The following ADGRB3 variants were observed in gnomAD, a reference collection of about 807,000 sequenced individuals.
The protein encoded by ADGRB3 is brain-specific angiogenesis inhibitor 3.
ADGRB3 carries 37 observed loss-of-function variants against 193.4 expected under a neutral mutation model. The ratio of observed to expected loss-of-function variants is 0.19; its 90% CI spans 0.15 to 0.25. The LOEUF (loss-of-function observed/expected upper bound fraction) is 0.25. Ranked by LOEUF, ADGRB3 falls within the 10% of genes least tolerant of loss-of-function variation. The pLI is 1.00. For missense variants in ADGRB3, 1,637 were observed against 1,852.9 expected, an observed-to-expected ratio of 0.88 and a Z score of 2.14; for synonymous variants, 690 against 644.2, an observed-to-expected ratio of 1.07 and a Z score of -1.08.
At chr6:68,954,468 C>T (rs1768015622) in intron 6 of ADGRB3, among the ~76,000 whole-genome samples, 1 of 152,036 alleles carries the variant, frequency 6.6e-6, no homozygotes, top group Admixed American at 6.6e-5. Flanking sequence ...TAAGAGTCAC[C>T]TGGATCCTCT....
chr6:68,785,766 C>G (rs1352045656), intron 3 of ADGRB3, among the ~76,000 whole-genome samples: 2 of 152,118 alleles, frequency 1.3e-5, no homozygotes, highest in Non-Finnish European at 2.9e-5. Flanking sequence ...GGTTTACAGT[C>G]CCACCAACAG....
chr6:69,327,619 G>A (rs754009066), intron 21 of ADGRB3, among the ~76,000 whole-genome samples: 1 of 152,134 alleles, frequency 6.6e-6, no homozygotes, highest in Non-Finnish European at 1.5e-5. Context: ...CCAGAGAAGT[G>A]CAGTAAGTTA....
intron 3 of ADGRB3, among the ~76,000 whole-genome samples, chr6:68,883,403 CT>C (rs1330980006): frequency 1.3e-5 from 2 of 152,170 alleles, no homozygotes; most frequent in African/African-American, 4.8e-5. Flanking sequence ...GCAGCACCAG[CT>C]GCGGCAATCA....
intron 17 of ADGRB3, among the ~76,000 whole-genome samples, chr6:69,187,405 A>G (rs550251077): frequency 3.3e-5 from 5 of 152,292 alleles, no homozygotes; most frequent in African/African-American, 1.2e-4. Context: ...TAAAATTACA[A>G]TAGAACATCT....
chr6:69,365,422 A>G (rs576123056), intron 29 of ADGRB3, among the ~76,000 whole-genome samples: 4 of 152,048 alleles, frequency 2.6e-5, no homozygotes, highest in Non-Finnish European at 5.9e-5. Flanking sequence ...CCTAGGAGGT[A>G]CACTGACCTC....
In ADGRB3 at chr6:69,136,796, A is replaced by C. The variant is rs571193090; in HGVS notation, c.2480+60758A>C. Among the ~76,000 whole-genome samples, 183 of 152,034 alleles carry C rather than the reference A, an allele frequency of 1.2e-3. 2 individuals are homozygous for C. The highest frequency in any genetic ancestry group is 2.1e-3 in the Non-Finnish European group (140 of 67,984). On this transcript the variant is annotated intron_variant, in intron 17 of 31. Coordinates refer to ENST00000370598, the MANE Select transcript of ADGRB3 (RefSeq NM_001704.3). Reference sequence around the variant, plus strand: ...TTCCAGTAACAGTTTATTTTTATGCATATCTAGATAGAAGAGAAAATTTAT... The same window carrying C: ...TTCCAGTAACAGTTTATTTTTATGCCTATCTAGATAGAAGAGAAAATTTAT...
intron 17 of ADGRB3, 149 bp from the exon 18 acceptor site, chr6:69,233,141 T>C (rs1766184563): frequency 8.7e-7 from 1 of 1,152,272 alleles, no homozygotes; most frequent in Non-Finnish European, 1.2e-6. Context: ...GCATCTAAAT[T>C]ACATCCTGTT....
intron 13 of ADGRB3, among the ~76,000 whole-genome samples, chr6:69,018,889 C>T (rs1347222217): frequency 1.3e-5 from 2 of 151,860 alleles, no homozygotes; most frequent in South Asian, 2.1e-4. Context: ...TATGATCTTC[C>T]GTACATTGTT....
chr6:68,866,030 C>T (rs1471902422), intron 3 of ADGRB3, among the ~76,000 whole-genome samples: 1 of 152,142 alleles, frequency 6.6e-6, no homozygotes, highest in Non-Finnish European at 1.5e-5. Context: ...ACTCAGAGAA[C>T]AATGAGGGAG....
At chr6:69,031,056 C>CTTCTCTTCTCTT (rs1770653759) in intron 13 of ADGRB3, among the ~76,000 whole-genome samples, 1 of 38,210 alleles carries the variant, frequency 2.6e-5, no homozygotes, top group African/African-American at 1.0e-4. Context: ...CTTCTCTTCT[C>CTTCTCTTCTCTT]TTCTCTTCTC....
intron 17 of ADGRB3, among the ~76,000 whole-genome samples, chr6:69,198,864 A>G (rs980608517): frequency 7.2e-5 from 11 of 152,156 alleles, no homozygotes; most frequent in Non-Finnish European, 1.2e-4. Flanking sequence ...ATTAATTGCT[A>G]TAATATCATT....
rs573153154 is a variant in ADGRB3, at chr6:69,344,667, A to G, written c.3459+5163A>G. On this transcript the variant is annotated intron_variant, in intron 26 of 31. Transcript: ENST00000370598. The stretch of plus-strand genomic sequence containing the variant: ...CATGAACATCCAGGTTTGACTACTT[A>G]CAGGGAAATTGAGTATGACTCATTA... Among the ~76,000 whole-genome samples, 24 of 152,314 alleles carry G rather than the reference A, an allele frequency of 1.6e-4. No homozygotes were observed. The South Asian group carries it at 4.8e-3, about 30-fold the overall frequency.
At chr6:68,748,169 C>T (rs1766122626) in intron 3 of ADGRB3, among the ~76,000 whole-genome samples, 2 of 152,048 alleles carry the variant, frequency 1.3e-5, no homozygotes, top group Non-Finnish European at 1.5e-5. Flanking sequence ...AGTATCATTC[C>T]ACCCCTAGCC....
chr6:69,235,284 T>G, intron 19 of ADGRB3, 149 bp downstream of exon 19: 1 of 671,900 alleles, frequency 1.5e-6, no homozygotes, highest in East Asian at 2.7e-5. Flanking sequence ...TGATTGAGCT[T>G]TAATAAATGA....
intron 3 of ADGRB3, among the ~76,000 whole-genome samples, chr6:68,694,484 G>A (rs556031362): frequency 3.3e-5 from 5 of 151,976 alleles, no homozygotes; most frequent in South Asian, 4.2e-4. Flanking sequence ...GAGTGAGGTG[G>A]GGGGAGGTGT....
At chr6:69,122,974 GTA>G (rs1166157133) in intron 17 of ADGRB3, among the ~76,000 whole-genome samples, 7 of 142,200 alleles carry the variant, frequency 4.9e-5, no homozygotes, top group Non-Finnish European at 9.2e-5. Flanking sequence ...ATATATGTGT[GTA>G]TATATATATA....
Position 68,822,153 on chromosome 6 carries a change from G to T in ADGRB3, c.758-108406G>T, listed in dbSNP as rs1209291828. ...TATGTGCCTATGAAATGAGTAAAAA[G>T]AAAGCGGATGACATTCGGAAAATAA... On this transcript the variant is annotated intron_variant, in intron 3 of 31. Transcript: ENST00000370598. Among the ~76,000 whole-genome samples, 3 of 151,762 alleles carry T rather than the reference G, an allele frequency of 2.0e-5. No homozygotes were observed. The South Asian group carries it at 6.2e-4, about 31-fold the overall frequency.
chr6:68,650,309 T>C (rs1427798913), intron 3 of ADGRB3, among the ~76,000 whole-genome samples: 3 of 152,174 alleles, frequency 2.0e-5, no homozygotes, highest in African/African-American at 2.4e-5. Context: ...GTTTAGGCCC[T>C]CTAGGTTTTT....
At chr6:69,361,661 A>T in intron 29 of ADGRB3, 149 bp downstream of exon 29, 1 of 928,710 alleles carries the variant, frequency 1.1e-6, no homozygotes, top group Non-Finnish European at 1.6e-6. Flanking sequence ...TATCATGAAA[A>T]TTTCTGGCTA....
Sources: allele counts gnomAD v4.1 joint callset (sites outside exome capture counted in the v4.1 genomes callset), GRCh38; gene constraint gnomAD v4.1.1; transcripts MANE v1.5; gene names NCBI Gene and HGNC (gene_info 2026-07-23, HGNC 2026-07-21).